ULK1: variants seen among roughly 807,000 people sequenced by gnomAD.
The protein encoded by ULK1 is serine/threonine-protein kinase ULK1.
Under a neutral mutation model 117.5 loss-of-function variants are expected in ULK1, and 48 were observed. The ratio of observed to expected loss-of-function variants is 0.41; its 90% CI spans 0.32 to 0.52. The LOEUF is 0.52. Among genes scored for constraint, ULK1 ranks in the 20% least tolerant of loss-of-function variants. The pLI is 0.29. For synonymous variants in ULK1, 790 were observed against 637.8 expected (o/e 1.24, Z -3.60); for missense variants, 1,387 against 1,473.4 (o/e 0.94, Z 0.96).
At chr12:131,906,767 G>A (rs886151063) in intron 3 of ULK1, 125 bp from the exon 4 acceptor site, 112 of 1,216,150 alleles carry the variant, frequency 9.2e-5, no homozygotes, top group Non-Finnish European at 5.5e-5. Context: ...TCTCCCGGCC[G>A]CTGGCTGACC....
chr12:131,918,729 TGGGG>T, intron 23 of ULK1, 48 bp downstream of exon 23: 1 of 1,252,258 alleles, frequency 8.0e-7, no homozygotes. Context: ...GGAGGGTGTG[TGGGG>T]TGTGTGGGGT....
rs557968277 is a variant in ULK1 at position 131,915,977 on chromosome 12, G to C, written c.1696G>C (p.Val566Leu). ...CCCCAACCTGTCTGACTTGCACGTC[G>C]TCCGCCCCAAGCTGCCCAAACCCCC... ...SAPNLSDLHV[V>L]RPKLPKPPTD... The change falls in exon 19 of 28, where the codon GTC becomes CTC. Residue 566 changes from valine (V) to leucine (L), a missense_variant. Around this residue, in one of 4 missense-constraint regions of ULK1, gnomAD observed 900 missense variants for 858.9 expected, o/e 1.05. Transcript: ENST00000321867. 2 of 1,612,364 alleles carry C rather than the reference G, an allele frequency of 1.2e-6. No homozygotes were observed. The highest frequency in any genetic ancestry group is 1.7e-6 in the Non-Finnish European group (2 of 1,179,800).
chr12:131,917,817 A>G (rs1000964459), intron 22 of ULK1, among the ~76,000 whole-genome samples: 15 of 152,128 alleles, frequency 9.9e-5, no homozygotes, highest in African/African-American at 1.7e-4. Flanking sequence ...TCCCCAAAAC[A>G]TGAGGTGAGC....
rs1226429254 is a variant in ULK1 at position 131,902,637 on chromosome 12, C to T, written c.247-4255C>T. On this transcript the variant is annotated intron_variant, in intron 3 of 27. Coordinates refer to ENST00000321867, the MANE Select transcript of ULK1 (RefSeq NM_003565.4). This position sits in a 1 kb window ranked among gnomAD's most constrained non-coding sequence, Gnocchi z 6.3. ...ACAGCCCTGTGGAATGGTCAGCAGCCGTTCCCTGTTTCCTCCCTTTAAATA... is the reference window on the plus strand; with the variant it reads ...ACAGCCCTGTGGAATGGTCAGCAGCTGTTCCCTGTTTCCTCCCTTTAAATA... 3.3e-5 allele frequency among the ~76,000 whole-genome samples: 5 copies of T among 152,150 alleles called. No homozygotes were observed. The highest frequency in any genetic ancestry group is 1.2e-4 in the African/African-American group (5 of 41,432).
At chr12:131,913,153 G>T in intron 13 of ULK1, 45 bp from the exon 14 acceptor site, 1 of 1,519,454 alleles carries the variant, frequency 6.6e-7, no homozygotes, top group Non-Finnish European at 8.8e-7. Flanking sequence ...GGTGGCCCTG[G>T]GCAGGCGGCA....
At chr12:131,913,670 A>G (rs1013048609) in intron 14 of ULK1, 77 bp from the exon 15 acceptor site, 7 of 1,111,936 alleles carry the variant, frequency 6.3e-6, no homozygotes, top group Non-Finnish European at 8.6e-6. Flanking sequence ...GCGCCACTGC[A>G]CTCCAGCCTG....
At chr12:131,904,207 C>T (rs946682334) in intron 3 of ULK1, among the ~76,000 whole-genome samples, 1 of 152,198 alleles carries the variant, frequency 6.6e-6, no homozygotes, top group African/African-American at 2.4e-5. Context: ...AGTGCAGTGG[C>T]ACGATCTCCC....
At chr12:131,918,734 T>TGTAGG (rs201665979) in intron 23 of ULK1, 53 bp downstream of exon 23, 3 of 1,386,402 alleles carry the variant, frequency 2.2e-6, no homozygotes, top group African/African-American at 1.6e-5. Flanking sequence ...GTGTGTGGGG[T>TGTAGG]GTGTGGGGTG....
chr12:131,918,562 C>T lies in ULK1; in HGVS notation c.2392C>T (p.Pro798Ser), dbSNP rs760839190. 1 of 1,611,140 alleles carries T rather than the reference C, an allele frequency of 6.2e-7. No individual in the cohort carries two copies. Among genetic ancestry groups the T allele is most frequent in the South Asian group, 1.1e-5 (1 of 90,814 alleles). ...HLVPGPCSEA[P>S]APELPAPGHG... ...GGTGCCTGGGCCCTGCAGCGAGGCC[C>T]CAGCCCCTGAGCTCCCTGCTCCAGG... The change falls in exon 23 of 28, where the codon CCA becomes TCA. Residue 798 changes from proline (P) to serine (S), a missense_variant. Physicochemically the swap from Pro to Ser is moderately conservative, Grantham distance 74. Transcript: ENST00000321867.
In ULK1 at chr12:131,914,448, G is replaced by A. The variant is rs1255381695; in HGVS notation, c.1344G>A (p.Leu448=). 1.9e-6 allele frequency: 3 copies of A among 1,612,744 alleles called. No homozygotes were observed. Among genetic ancestry groups the A allele is most frequent in the East Asian group, 2.2e-5 (1 of 44,890 alleles). ...ACTACCAGCGCATTGAGCGAAACCTGCAGTCACCCACCCAGTTCCAAACAC... is the reference window on the plus strand; with the variant it reads ...ACTACCAGCGCATTGAGCGAAACCTACAGTCACCCACCCAGTTCCAAACAC... ...VQNYQRIERN[L]QSPTQFQTPR... The change falls in exon 16 of 28, where the codon CTG becomes CTA. Residue 448 remains leucine, a synonymous_variant. Transcript: ENST00000321867.
intron 22 of ULK1, 100 bp downstream of exon 22, chr12:131,917,654 C>T: frequency 8.4e-7 from 1 of 1,189,772 alleles, no homozygotes; most frequent in Middle Eastern, 3.1e-4. Flanking sequence ...ACTACAGCCC[C>T]CCAGAGCCCA....
chr12:131,911,835 C>A, intron 12 of ULK1, 107 bp from the exon 13 acceptor site: 2 of 1,488,156 alleles, frequency 1.3e-6, no homozygotes, highest in Non-Finnish European at 1.8e-6. Flanking sequence ...TCAGCCCCAG[C>A]GCCCCGATCT....
chr12:131,895,472 C>G (rs1014301282), intron 1 of ULK1, 129 bp from the exon 2 acceptor site: 5 of 755,236 alleles, frequency 6.6e-6, no homozygotes, highest in African/African-American at 5.3e-5. Flanking sequence ...CAACCTGGCT[C>G]CCCACTCGGC....
At position 131,916,134 on chromosome 12, in the gene ULK1, C is replaced by T; in HGVS notation, c.1853C>T (p.Pro618Leu). 5.6e-6 allele frequency: 9 copies of T among 1,612,310 alleles called. No homozygotes were observed. Among genetic ancestry groups the T allele is most frequent in the Non-Finnish European group, 7.6e-6 (9 of 1,179,776 alleles). ...LPDFLQRNPL[P>L]PILGSPTKAV... Reference sequence around the variant, plus strand: ...GACTTCCTGCAGCGAAACCCCCTGCCCCCCATCCTGGGCTCCCCCACCAAG... The same window carrying T: ...GACTTCCTGCAGCGAAACCCCCTGCTCCCCATCCTGGGCTCCCCCACCAAG... Residue 618 changes from proline (P) to leucine (L), a missense_variant, in exon 19 of 28, where the codon CCC becomes CTC. Pro to Leu is a moderately conservative substitution (Grantham distance 98). Coordinates refer to ENST00000321867, the MANE Select transcript of ULK1 (RefSeq NM_003565.4).
At position 131,916,172 on chromosome 12, in the gene ULK1, G is replaced by A. The variant is rs1422934394; in HGVS notation, c.1878+13G>A. 1.2e-6 allele frequency: 2 copies of A among 1,608,684 alleles called. No individual in the cohort carries two copies. The highest frequency in any genetic ancestry group is 8.5e-7 in the Non-Finnish European group (1 of 1,178,266). Reference sequence around the variant, plus strand: ...CTCCCCCACCAAGGTAATGGGCACTGCCATGTGTGCAGGGGCACAGAGCCC... The same window carrying A: ...CTCCCCCACCAAGGTAATGGGCACTACCATGTGTGCAGGGGCACAGAGCCC... On this transcript the variant is annotated intron_variant, in intron 19 of 27. Transcript: ENST00000321867.
rs1259848360 is a variant in ULK1, at chr12:131,894,688, G to C, written c.-314G>C. On this transcript the variant is annotated 5_prime_UTR_variant, in exon 1 of 28. Transcript: ENST00000321867. ...CCGCGGCTCTTTTGTTTCTCCGTTG[G>C]GGCCGAGCCCGGGCCCTAGTTGGAG... The C allele has an allele frequency of 6.6e-6, 1 of 151,514 alleles. No homozygotes were observed. The highest frequency in any genetic ancestry group is 2.1e-4 in the South Asian group (1 of 4,820). The allele number at this position is 151,514 out of a possible 1,614,324, so 9.4% of individuals were successfully genotyped here.
In ULK1 at chr12:131,908,891, C is replaced by T; in HGVS notation, c.491-7C>T. On this transcript the variant is annotated splice_region_variant and splice_polypyrimidine_tract_variant and intron_variant, in intron 6 of 27. Transcript: ENST00000321867. ...CCGGCGCCGGTCCTGACGCTTCTCT[C>T]CCGCAGCTGACTTCGGCTTCGCGCG... 4 of 1,610,264 alleles carry T rather than the reference C, an allele frequency of 2.5e-6. No individual in the cohort carries two copies. Among genetic ancestry groups the T allele is most frequent in the Non-Finnish European group, 3.4e-6 (4 of 1,179,686 alleles).
intron 3 of ULK1, 77 bp downstream of exon 3, chr12:131,895,901 C>T: frequency 6.3e-7 from 1 of 1,579,076 alleles, no homozygotes; most frequent in East Asian, 2.2e-5. Flanking sequence ...CCCTGGTGAG[C>T]ACTGGTGTTG....
intron 18 of ULK1, 49 bp from the exon 19 acceptor site, chr12:131,915,842 G>C (rs1290806265): frequency 1.2e-6 from 2 of 1,600,516 alleles, no homozygotes; most frequent in Non-Finnish European, 1.7e-6. Flanking sequence ...TGGGGCCTAG[G>C]GCTGGGCCGC....
Sources: gnomAD v4.1 joint callset for allele counts (sites outside exome capture counted in the v4.1 genomes callset) on GRCh38, gnomAD v4.1.1 for gene constraint, gnomAD v4.1.1 regional missense constraint, Gnocchi (gnomAD v3.1) non-coding constraint, MANE v1.5 for transcripts, NCBI Gene and HGNC (gene_info 2026-07-23, HGNC 2026-07-21) for gene names.